The following ADHFE1 variants were observed in gnomAD, a reference collection of about 807,000 sequenced individuals.
ADHFE1 encodes hydroxyacid-oxoacid transhydrogenase, mitochondrial.
ADHFE1 carries 37 observed loss-of-function variants against 54.8 expected under a neutral mutation model. That is an observed-to-expected ratio of 0.68 (90% confidence interval 0.52 to 0.89). ADHFE1 has a LOEUF of 0.89. ADHFE1 is among the 40% of genes least tolerant of loss of function. The probability of loss-of-function intolerance (pLI) is 0.00; values close to 1 mark genes in which losing one functional copy is unlikely to be tolerated. For missense variants in ADHFE1, 601 were observed against 591.2 expected, an observed-to-expected ratio of 1.02 and a Z score of -0.17; for synonymous variants, 203 against 229.3, an observed-to-expected ratio of 0.89 and a Z score of 1.04.
chr8:66,459,070 A>G (rs1338477292), intron 12 of ADHFE1, among the ~76,000 whole-genome samples: 2 of 152,152 alleles, frequency 1.3e-5, no homozygotes, highest in Non-Finnish European at 2.9e-5. Flanking sequence ...TCTCACTGTC[A>G]TGGAAGAGAA....
chr8:66,461,623 T>C (rs1304659129), intron 13 of ADHFE1, among the ~76,000 whole-genome samples: 1 of 151,886 alleles, frequency 6.6e-6, no homozygotes, highest in Non-Finnish European at 1.5e-5. Flanking sequence ...GTGGGGACTT[T>C]GGTAAGCCAG....
chr8:66,462,133 T>G (rs1166650430), intron 13 of ADHFE1, among the ~76,000 whole-genome samples: 1 of 152,208 alleles, frequency 6.6e-6, no homozygotes, highest in Non-Finnish European at 1.5e-5. Flanking sequence ...CCTCTCCTCC[T>G]AAGTCCTCTG....
Position 66,439,806 on chromosome 8 carries a change from G to A in ADHFE1, c.60-356G>A. 1 of 1,075,410 alleles carries A rather than the reference G, an allele frequency of 9.3e-7. No homozygotes were observed. Among genetic ancestry groups the A allele is most frequent in the Non-Finnish European group, 1.1e-6 (1 of 884,084 alleles). 66.6% of individuals were successfully genotyped at this position (1,075,410 alleles called of 1,614,324 possible). ...TTAACCTTGGGCCGATTTGGTCAAC[G>A]CTCCTAACCCAGTAAGAGCTGGGGC... On this transcript the variant is annotated intron_variant, in intron 1 of 13. Coordinates refer to ENST00000396623, the MANE Select transcript of ADHFE1 (RefSeq NM_144650.3). This position sits in a 1 kb window ranked among gnomAD's most constrained non-coding sequence, Gnocchi z 4.4.
Position 66,447,338 on chromosome 8 carries a change from A to G in ADHFE1, c.625A>G (p.Ile209Val). ...TGACTATGAACACTTGAAAGTAAAAATTGGTAAGAACCATACTTTTGAATT... is the reference window on the plus strand; with the variant it reads ...TGACTATGAACACTTGAAAGTAAAAGTTGGTAAGAACCATACTTTTGAATT... ...IFDYEHLKVK[I>V]GITSRAIKPT... The change falls in exon 7 of 14, where the codon ATT (isoleucine) becomes GTT (valine). Residue 209 changes from isoleucine to valine, a missense_variant. Transcript: ENST00000396623. The G allele has an allele frequency of 6.2e-7, 1 of 1,611,320 alleles. No homozygotes were observed. The highest frequency in any genetic ancestry group is 8.5e-7 in the Non-Finnish European group (1 of 1,177,628).
intron 12 of ADHFE1, 84 bp from the exon 13 acceptor site, chr8:66,460,224 G>A: frequency 1.3e-6 from 2 of 1,540,098 alleles, no homozygotes; most frequent in South Asian, 2.3e-5. Flanking sequence ...GGTGTGCATG[G>A]TGTATTCACT....
chr8:66,439,812 A>ACTGGGTTAGGAGCGTTG lies in ADHFE1; in HGVS notation c.60-350_60-349insCTGGGTTAGGAGCGTTG. On this transcript the variant is annotated intron_variant, in intron 1 of 13. Transcript: ENST00000396623. This position sits in a 1 kb window ranked among gnomAD's most constrained non-coding sequence, Gnocchi z 4.4. Reference sequence around the variant, plus strand: ...TTGGGCCGATTTGGTCAACGCTCCTAACCCAGTAAGAGCTGGGGCTTCATG... The same window carrying ACTGGGTTAGGAGCGTTG: ...TTGGGCCGATTTGGTCAACGCTCCTACTGGGTTAGGAGCGTTGACCCAGTAAGAGCTGGGGCTTCATG... The ACTGGGTTAGGAGCGTTG allele has an allele frequency of 9.1e-7, 1 of 1,104,274 alleles. No individual in the cohort carries two copies. Among genetic ancestry groups the ACTGGGTTAGGAGCGTTG allele is most frequent in the Non-Finnish European group, 1.1e-6 (1 of 901,196 alleles). 68.4% of individuals were successfully genotyped at this position (1,104,274 alleles called of 1,614,324 possible).
At chr8:66,435,955 G>A (rs1431728911) in intron 1 of ADHFE1, among the ~76,000 whole-genome samples, 2 of 131,938 alleles carry the variant, frequency 1.5e-5, no homozygotes, top group African/African-American at 2.9e-5. Context: ...TCGCTCTGTC[G>A]CCCAGGCTGG....
Position 66,444,631 on chromosome 8 carries a change from T to C in ADHFE1, c.236T>C (p.Met79Thr). ...ATGGGTGCTAAAAATGTGTGCTTGA[T>C]GACAGACAAGAACCTCTCCAAGCTC... is the stretch of plus-strand genomic sequence containing the variant. ...KNMGAKNVCL[M>T]TDKNLSKLPP... Residue 79 changes from methionine to threonine, a missense_variant, in exon 5 of 14, where the codon ATG becomes ACG. Met to Thr is a moderately conservative substitution (Grantham distance 81, BLOSUM62 -1). Transcript: ENST00000396623. 6.2e-7 allele frequency: 1 copy of C among 1,614,238 alleles called. No homozygotes were observed. Among genetic ancestry groups the C allele is most frequent in the Non-Finnish European group, 8.5e-7 (1 of 1,180,044 alleles).
In ADHFE1 at chr8:66,439,565, G is replaced by T; in HGVS notation, c.60-597G>T. On this transcript the variant is annotated intron_variant, in intron 1 of 13. Transcript: ENST00000396623. This position sits in a 1 kb window ranked among gnomAD's most constrained non-coding sequence, Gnocchi z 4.4. Reference sequence around the variant, plus strand: ...GGTGTGCGCGCAGCTGGGGCCTCTGGGGAGCGGCGCGGCGGGGACGGAGGA... The same window carrying T: ...GGTGTGCGCGCAGCTGGGGCCTCTGTGGAGCGGCGCGGCGGGGACGGAGGA... 7.1e-6 allele frequency: 7 copies of T among 986,042 alleles called. No homozygotes were observed. The highest frequency in any genetic ancestry group is 8.4e-6 in the Non-Finnish European group (7 of 830,372). 61.1% of individuals were successfully genotyped at this position (986,042 alleles called of 1,614,324 possible).
At chr8:66,444,511 T>C (rs897563045) in intron 4 of ADHFE1, 83 bp from the exon 5 acceptor site, 1 of 1,607,302 alleles carries the variant, frequency 6.2e-7, no homozygotes, top group African/African-American at 1.3e-5. Flanking sequence ...TCCTCTATTT[T>C]TAAAAATGTA....
chr8:66,446,565 G>A (rs185894175), intron 6 of ADHFE1, among the ~76,000 whole-genome samples: 5 of 152,286 alleles, frequency 3.3e-5, no homozygotes, highest in African/African-American at 7.2e-5. Context: ...AGTCATACAT[G>A]CATGTTAACA....
chr8:66,451,533 C>A (rs918462298), intron 8 of ADHFE1, among the ~76,000 whole-genome samples: 19 of 152,290 alleles, frequency 1.2e-4, no homozygotes, highest in Middle Eastern at 3.4e-3. Context: ...TCATAGAAAT[C>A]TGGTGTAGCT....
chr8:66,466,236 A>ATTTTTTT (rs575459850), intron 13 of ADHFE1, among the ~76,000 whole-genome samples: 3 of 119,628 alleles, frequency 2.5e-5, no homozygotes, highest in Non-Finnish European at 3.3e-5. Flanking sequence ...ACCCAGCTGA[A>ATTTTTTT]TTTTTTTTTT....
In ADHFE1 at chr8:66,448,859, T is replaced by C. The variant is rs1234099671; in HGVS notation, c.629-6T>C. ...TTAGCCTCTACTGAAAATCCTTATGTTTTAGGCATCACTTCGAGAGCCATC... is the reference window on the plus strand; with the variant it reads ...TTAGCCTCTACTGAAAATCCTTATGCTTTAGGCATCACTTCGAGAGCCATC... On this transcript the variant is annotated splice_region_variant and splice_polypyrimidine_tract_variant and intron_variant, in intron 7 of 13. Coordinates refer to ENST00000396623, the MANE Select transcript of ADHFE1 (RefSeq NM_144650.3). 1.9e-6 allele frequency: 3 copies of C among 1,613,148 alleles called. No homozygotes were observed. The South Asian group carries it at 3.3e-5, about 18-fold the overall frequency.
intron 1 of ADHFE1, among the ~76,000 whole-genome samples, chr8:66,438,408 G>A (rs1805571283): frequency 6.6e-6 from 1 of 152,166 alleles, no homozygotes; most frequent in South Asian, 2.1e-4. Flanking sequence ...GGGCAGAGTG[G>A]AAAAGGAGCC....
At chr8:66,466,199 G>A (rs541591969) in intron 13 of ADHFE1, among the ~76,000 whole-genome samples, 1 of 150,156 alleles carries the variant, frequency 6.7e-6, no homozygotes, top group South Asian at 2.1e-4. Context: ...CTCCTGAGTA[G>A]GTGGGATTAT....
intron 13 of ADHFE1, among the ~76,000 whole-genome samples, chr8:66,465,986 A>G (rs890743014): frequency 6.0e-5 from 9 of 150,580 alleles, no homozygotes; most frequent in Non-Finnish European, 8.9e-5. Flanking sequence ...CACTCTCTTG[A>G]CCATGTCCTT....
Position 66,445,403 on chromosome 8 carries a change from C to T in ADHFE1, c.539C>T (p.Pro180Leu). Residue 180 changes from proline to leucine, a missense_variant, in exon 6 of 14, where the codon CCT becomes CTT. Physicochemically the swap from Pro to Leu is moderately conservative, Grantham distance 98. Coordinates refer to ENST00000396623, the MANE Select transcript of ADHFE1 (RefSeq NM_144650.3). Reference sequence around the variant, plus strand: ...AAGCCTGTGTCTGTGCCTCTTAAGCCTCTGATTGCAGGTAAAGACTGTTTA... The same window carrying T: ...AAGCCTGTGTCTGTGCCTCTTAAGCTTCTGATTGCAGGTAAAGACTGTTTA... ...KGKPVSVPLK[P>L]LIAVPTTSGT... The T allele has an allele frequency of 6.2e-7, 1 of 1,608,100 alleles. No homozygotes were observed.
At position 66,444,606 on chromosome 8, in the gene ADHFE1, A is replaced by G. The variant is rs780943611; in HGVS notation, c.211A>G (p.Met71Val). 4 of 1,614,038 alleles carry G rather than the reference A, an allele frequency of 2.5e-6. No individual in the cohort carries two copies. Among genetic ancestry groups the G allele is most frequent in the African/African-American group, 2.7e-5 (2 of 74,936 alleles). The change falls in exon 5 of 14, where the codon ATG becomes GTG. Residue 71 changes from methionine (M) to valine (V), a missense_variant. Met to Val is a conservative substitution (Grantham distance 21). Coordinates refer to ENST00000396623, the MANE Select transcript of ADHFE1 (RefSeq NM_144650.3). Reference protein sequence around the residue: ...TKEVGMDLKNMGAKNVCLMTD... With the variant: ...TKEVGMDLKNVGAKNVCLMTD... ...GGTTTTCTTGTAGGACCTAAAAAAC[A>G]TGGGTGCTAAAAATGTGTGCTTGAT...
Sources: gnomAD v4.1 joint callset for allele counts (sites outside exome capture counted in the v4.1 genomes callset) on GRCh38, gnomAD v4.1.1 for gene constraint, Gnocchi (gnomAD v3.1) non-coding constraint, MANE v1.5 for transcripts, NCBI Gene and HGNC (gene_info 2026-07-23, HGNC 2026-07-21) for gene names.